The following NIPBL variants were observed in gnomAD, a reference collection of about 807,000 sequenced individuals.
NIPBL encodes NIPBL cohesin loading factor.
A neutral mutation model predicts 321.8 loss-of-function variants in NIPBL; 19 were observed. The observed-to-expected ratio is 0.06, with a 90% CI of 0.04 to 0.09. The LOEUF (loss-of-function observed/expected upper bound fraction) is 0.09, where lower values mean the gene tolerates loss of function less well. Among genes scored for constraint, NIPBL ranks in the 10% least tolerant of loss-of-function variants. The pLI, the probability that NIPBL is intolerant of heterozygous loss-of-function variation, is 1.00. For missense variants in NIPBL, 2,210 were observed against 3,327.0 expected (o/e 0.66, Z 8.26); for synonymous variants, 1,106 against 1,114.1 (o/e 0.99, Z 0.14).
chr5:36,880,427 A>G (rs1371969286), intron 1 of NIPBL, among the ~76,000 whole-genome samples: 1 of 152,038 alleles, frequency 6.6e-6, no homozygotes, highest in Non-Finnish European at 1.5e-5. Context: ...GAAAAGCATA[A>G]TTTGGAAGAA....
intron 10 of NIPBL, among the ~76,000 whole-genome samples, chr5:36,994,644 A>G (rs1382781287): frequency 1.3e-5 from 2 of 152,132 alleles, no homozygotes; most frequent in African/African-American, 2.4e-5. Context: ...TTTTCTTTTT[A>G]TACTTCCACT....
At chr5:37,007,880 G>A in intron 18 of NIPBL, 128 bp from the exon 19 acceptor site, 1 of 696,520 alleles carries the variant, frequency 1.4e-6, no homozygotes, top group Non-Finnish European at 2.6e-6. Context: ...TGCTGATTAG[G>A]TGGGGAAAAG....
At chr5:37,029,193 A>G (rs755077201) in intron 32 of NIPBL, among the ~76,000 whole-genome samples, 9 of 152,210 alleles carry the variant, frequency 5.9e-5, no homozygotes, top group Non-Finnish European at 1.3e-4. Flanking sequence ...AACGTCCAAC[A>G]CAATGAACAT....
chr5:37,064,265 A>G, intron 46 of NIPBL: 1 of 1,368,874 alleles, frequency 7.3e-7, no homozygotes, highest in Admixed American at 3.1e-5. Flanking sequence ...AGTTTTATGT[A>G]GCTATATGGT....
At chr5:36,923,898 C>T (rs1749147382) in intron 1 of NIPBL, among the ~76,000 whole-genome samples, 1 of 152,184 alleles carries the variant, frequency 6.6e-6, no homozygotes, top group Non-Finnish European at 1.5e-5. Flanking sequence ...GAGCAAGATG[C>T]ACTTTTGAGT....
intron 42 of NIPBL, 74 bp from the exon 43 acceptor site, chr5:37,057,112 T>C: frequency 1.3e-6 from 2 of 1,536,074 alleles, no homozygotes; most frequent in Non-Finnish European, 1.8e-6. Flanking sequence ...CCCTGTATTT[T>C]TTCTAAAAAA....
Position 37,045,604 on chromosome 5 carries a change from G to T in NIPBL, c.6498+7G>T, listed in dbSNP as rs1256578526. The T allele has an allele frequency of 6.2e-7, 1 of 1,613,068 alleles. No homozygotes were observed. The highest frequency in any genetic ancestry group is 2.2e-5 in the East Asian group (1 of 44,874). On this transcript the variant is annotated splice_region_variant and intron_variant, in intron 37 of 46. Transcript: ENST00000282516. ...TTTTAAAGGCAACAGCAAGGTAAAG[G>T]TAGTAATACTTAAAATGCTATAAAA...
chr5:36,901,893 T>C (rs1835000), intron 1 of NIPBL, among the ~76,000 whole-genome samples: 5 of 152,192 alleles, frequency 3.3e-5, no homozygotes, highest in African/African-American at 1.2e-4. Context: ...AAGCATTCCC[T>C]TTTCTCCATT....
At position 36,972,805 on chromosome 5, in the gene NIPBL, A is replaced by G. The variant is rs376572260; in HGVS notation, c.868+764A>G. Among the ~76,000 whole-genome samples the G allele has an allele frequency of 3.8e-3, 364 of 96,880 alleles. No individual in the cohort carries two copies. The Middle Eastern group carries it at 0.049, about 13-fold the overall frequency. The allele number at this position is 96,880 out of a possible 152,430, so 63.6% of individuals were successfully genotyped here. ...AACTATTTAGTCATTTATCAAATCT[A>G]ACCTGTTCTGTTAATTTTTAAATCT... On this transcript the variant is annotated intron_variant, in intron 8 of 46. Coordinates refer to ENST00000282516, the MANE Select transcript of NIPBL (RefSeq NM_133433.4).
At chr5:36,918,314 G>A (rs1253813132) in intron 1 of NIPBL, among the ~76,000 whole-genome samples, 1 of 152,000 alleles carries the variant, frequency 6.6e-6, no homozygotes, top group African/African-American at 2.4e-5. Flanking sequence ...CTCATGATTT[G>A]GCTCTCTGTT....
At chr5:37,061,167 G>A in intron 45 of NIPBL, 149 bp downstream of exon 45, 2 of 639,954 alleles carry the variant, frequency 3.1e-6, no homozygotes, top group Non-Finnish European at 5.4e-6. Flanking sequence ...TTATTTTAAT[G>A]AGTTACTTTA....
In NIPBL at chr5:36,885,743, G is replaced by A. The variant is rs116420801; in HGVS notation, c.-80+8565G>A. On this transcript the variant is annotated intron_variant, in intron 1 of 46. Coordinates refer to ENST00000282516, the MANE Select transcript of NIPBL (RefSeq NM_133433.4). ...GGCCATGTGCCAGTCTGTAGAGAAC[G>A]ACATCCGTGGGCTCTGCAAGGTCAT... is the stretch of plus-strand genomic sequence containing the variant. 1.1e-3 allele frequency: 670 copies of A among 597,572 alleles called. 3 individuals are homozygous for A. The highest frequency in any genetic ancestry group is 0.01 in the African/African-American group (565 of 54,470). The allele number at this position is 597,572 out of a possible 1,614,324, so 37.0% of individuals were successfully genotyped here.
At chr5:37,019,273 G>A (rs1226995047) in intron 24 of NIPBL, 38 bp from the exon 25 acceptor site, 1 of 1,298,718 alleles carries the variant, frequency 7.7e-7, no homozygotes, top group Non-Finnish European at 1.1e-6. Context: ...AAGCACACCA[G>A]TAATATCTTT....
At chr5:36,973,855 G>A (rs1014954510) in intron 8 of NIPBL, among the ~76,000 whole-genome samples, 3 of 152,046 alleles carry the variant, frequency 2.0e-5, no homozygotes, top group Non-Finnish European at 2.9e-5. Flanking sequence ...AACAGGCCCT[G>A]GTGTGTGATA....
intron 9 of NIPBL, among the ~76,000 whole-genome samples, chr5:36,979,903 T>C (rs1173961067): frequency 6.6e-6 from 1 of 151,724 alleles, no homozygotes; most frequent in Non-Finnish European, 1.5e-5. Context: ...CCCTGATAAC[T>C]GAATTTTTTG....
intron 1 of NIPBL, among the ~76,000 whole-genome samples, chr5:36,922,503 G>A (rs1000091026): frequency 1.3e-5 from 2 of 151,998 alleles, no homozygotes; most frequent in Non-Finnish European, 2.9e-5. Flanking sequence ...CCATTGTCGA[G>A]TATTATACTT....
chr5:37,007,996 T>G lies in NIPBL; in HGVS notation c.4240-12T>G. On this transcript the variant is annotated splice_polypyrimidine_tract_variant and intron_variant, in intron 18 of 46. Coordinates refer to ENST00000282516, the MANE Select transcript of NIPBL (RefSeq NM_133433.4). Reference sequence around the variant, plus strand: ...TAAAGGTGTATACTACTTACTCTTCTTTTTTAAACAGGTTTCATCTATGGG... The same window carrying G: ...TAAAGGTGTATACTACTTACTCTTCGTTTTTAAACAGGTTTCATCTATGGG... 2 of 1,549,702 alleles carry G rather than the reference T, an allele frequency of 1.3e-6. No individual in the cohort carries two copies. Among genetic ancestry groups the G allele is most frequent in the Non-Finnish European group, 1.8e-6 (2 of 1,121,700 alleles).
At position 36,976,257 on chromosome 5, in the gene NIPBL, T is replaced by A. The variant is rs764993497; in HGVS notation, c.1350T>A (p.Thr450=). ...CAGTTGCTGCAAAACAACCCCAGACTTCTGTGGTACAGAATCAACAACAGA... is the reference window on the plus strand; with the variant it reads ...CAGTTGCTGCAAAACAACCCCAGACATCTGTGGTACAGAATCAACAACAGA... ...NTSVAAKQPQ[T]SVVQNQQQIS... Residue 450 remains threonine (T), a synonymous_variant, in exon 9 of 47, where the codon ACT becomes ACA. Transcript: ENST00000282516. 1 of 1,613,844 alleles carries A rather than the reference T, an allele frequency of 6.2e-7. No homozygotes were observed. The highest frequency in any genetic ancestry group is 8.5e-7 in the Non-Finnish European group (1 of 1,179,840).
At chr5:36,993,055 C>T (rs1734192390) in intron 10 of NIPBL, among the ~76,000 whole-genome samples, 3 of 152,002 alleles carry the variant, frequency 2.0e-5, no homozygotes, top group Admixed American at 2.0e-4. Flanking sequence ...TATTTCTTAT[C>T]TTTGTAATCA....
Sources: gnomAD v4.1 joint callset for allele counts (sites outside exome capture counted in the v4.1 genomes callset) on GRCh38, gnomAD v4.1.1 for gene constraint, MANE v1.5 for transcripts, NCBI Gene and HGNC (gene_info 2026-07-23, HGNC 2026-07-21) for gene names.